The following SYNE2 variants were observed in gnomAD, a reference collection of about 807,000 sequenced individuals.
SYNE2 encodes the protein nesprin-2.
Under a neutral mutation model 856.3 loss-of-function variants are expected in SYNE2, and 431 were observed. The observed-to-expected ratio is 0.50, with a 90% confidence interval of 0.47 to 0.55. The LOEUF is 0.55. Among genes scored for constraint, SYNE2 ranks in the 20% least tolerant of loss-of-function variants. The pLI is 0.00. For missense variants in SYNE2, 8,129 were observed against 8,023.2 expected, an observed-to-expected ratio of 1.01 and a Z score of -0.50; for synonymous variants, 2,923 against 2,872.3, an observed-to-expected ratio of 1.02 and a Z score of -0.56.
chr14:63,948,418 T>G (rs1247209850), intron 6 of SYNE2, among the ~76,000 whole-genome samples: 6 of 151,734 alleles, frequency 4.0e-5, no homozygotes, highest in African/African-American at 7.3e-5. Flanking sequence ...AATCCCAGCA[T>G]TTTGGGAGGC....
At chr14:64,202,759 G>GT (rs753747644) in intron 99 of SYNE2, 42 bp from the exon 100 acceptor site, 1,283 of 1,590,348 alleles carry the variant, frequency 8.1e-4, no homozygotes, top group Non-Finnish European at 9.6e-4. Context: ...TCCATCACTG[G>GT]TTTTTTTTTG....
intron 88 of SYNE2, 139 bp downstream of exon 88, chr14:64,162,415 A>T: frequency 1.1e-6 from 1 of 904,318 alleles, no homozygotes; most frequent in Admixed American, 2.0e-5. Context: ...CATGTAGGAC[A>T]TAGGCAAGGC....
chr14:63,836,086 A>C (rs764515485), intron 1 of SYNE2, among the ~76,000 whole-genome samples: 3 of 151,886 alleles, frequency 2.0e-5, no homozygotes, highest in Non-Finnish European at 4.4e-5. Flanking sequence ...CTCAGGCTGG[A>C]GTGCAGTGCA....
chr14:63,777,288 T>C (rs1034960418), intron 1 of SYNE2, among the ~76,000 whole-genome samples: 2 of 152,236 alleles, frequency 1.3e-5, no homozygotes, highest in African/African-American at 4.8e-5. Context: ...GGAAACCATC[T>C]TTTCTATTCC....
intron 32 of SYNE2, among the ~76,000 whole-genome samples, chr14:64,012,191 T>C (rs1324984523): frequency 1.3e-5 from 2 of 152,212 alleles, no homozygotes; most frequent in South Asian, 2.1e-4. Context: ...TTGCTTCTTA[T>C]TGGCTTCTCT....
At chr14:63,876,713 C>T (rs2094730362) in intron 1 of SYNE2, among the ~76,000 whole-genome samples, 1 of 152,122 alleles carries the variant, frequency 6.6e-6, no homozygotes, top group African/African-American at 2.4e-5. Flanking sequence ...GTCTCGATCT[C>T]CTGACCTTGT....
At chr14:64,176,646 C>T (rs1336115905) in intron 95 of SYNE2, among the ~76,000 whole-genome samples, 1 of 152,082 alleles carries the variant, frequency 6.6e-6, no homozygotes, top group Non-Finnish European at 1.5e-5. Context: ...GCTGTCATAG[C>T]ATATACCAAA....
chr14:63,814,913 C>CAT (rs1404210165), intron 1 of SYNE2, among the ~76,000 whole-genome samples: 7 of 62,564 alleles, frequency 1.1e-4, no homozygotes, highest in African/African-American at 3.3e-4. Flanking sequence ...CATATATATC[C>CAT]ATATATCTAT....
chr14:63,914,833 AGT>A (rs2095515644), intron 2 of SYNE2, among the ~76,000 whole-genome samples: 1 of 152,204 alleles, frequency 6.6e-6, no homozygotes, highest in Non-Finnish European at 1.5e-5. Context: ...GCTGGAGTGC[AGT>A]GGTGCGATCT....
At chr14:63,967,649 A>C in intron 10 of SYNE2, 60 bp from the exon 11 acceptor site, 4 of 1,550,634 alleles carry the variant, frequency 2.6e-6, no homozygotes, top group Non-Finnish European at 3.5e-6. Context: ...AAAATAACAG[A>C]TTATATGATA....
chr14:63,915,103 A>C (rs372858288), intron 2 of SYNE2, among the ~76,000 whole-genome samples: 74 of 152,338 alleles, frequency 4.9e-4, no homozygotes, highest in African/African-American at 1.7e-3. Context: ...TTATGAGGCA[A>C]GATAGCATCA....
intron 57 of SYNE2, among the ~76,000 whole-genome samples, chr14:64,082,285 T>A (rs2097530374): frequency 6.6e-6 from 1 of 152,142 alleles, no homozygotes; most frequent in Non-Finnish European, 1.5e-5. Flanking sequence ...GGGTAGTCAC[T>A]CCCATAAGTA....
At chr14:63,952,292 A>T (rs897330274) in intron 7 of SYNE2, among the ~76,000 whole-genome samples, 1 of 152,212 alleles carries the variant, frequency 6.6e-6, no homozygotes, top group Non-Finnish European at 1.5e-5. Context: ...TGCTGGTTCA[A>T]CACTCAAGGT....
At chr14:64,221,542 G>A in intron 111 of SYNE2, 34 bp from the exon 112 acceptor site, 1 of 1,614,206 alleles carries the variant, frequency 6.2e-7, no homozygotes, top group Non-Finnish European at 8.5e-7. Context: ...AGGGCTCTAA[G>A]ACACGGCCGC....
chr14:64,052,206 A>T lies in SYNE2; in HGVS notation c.8293A>T (p.Ile2765Phe), dbSNP rs760007504. 2 of 1,614,192 alleles carry T rather than the reference A, an allele frequency of 1.2e-6. No homozygotes were observed. The highest frequency in any genetic ancestry group is 2.2e-5 in the South Asian group (2 of 91,090). Reference protein sequence around the residue: ...PLLPDDILSQIRKCKVTHDGI... With the variant: ...PLLPDDILSQFRKCKVTHDGI... ...TCTCCCAGATGACATTCTTTCACAG[A>T]TCAGAAAGTGCAAAGTGACACATGA... is the stretch of plus-strand genomic sequence containing the variant. The change falls in exon 48 of 116, where the codon ATC (isoleucine) becomes TTC (phenylalanine). Residue 2765 changes from isoleucine (I) to phenylalanine (F), a missense_variant. Around this residue, in one of 3 missense-constraint regions of SYNE2, gnomAD observed 5,410 missense variants for 5,284.8 expected, o/e 1.02. Coordinates refer to ENST00000555002, the MANE Select transcript of SYNE2 (RefSeq NM_182914.3).
chr14:63,806,967 G>A lies in SYNE2; in HGVS notation c.-305+44981G>A, dbSNP rs1011069807. On this transcript the variant is annotated intron_variant, in intron 1 of 23. Coordinates refer to the SYNE2 transcript ENST00000674003. ...TGGCCTCAAGTGATCCTCTTGCCTT[G>A]GCCCCTCAAACTGCTAGGATTACAG... is the stretch of plus-strand genomic sequence containing the variant. Among the ~76,000 whole-genome samples the A allele has an allele frequency of 2.7e-5, 4 of 148,874 alleles. No individual in the cohort carries two copies. In the South Asian group the frequency reaches 8.5e-4, roughly 32 times the overall value.
chr14:64,185,550 T>TAG (rs2098485120), intron 96 of SYNE2, among the ~76,000 whole-genome samples: 1 of 134,566 alleles, frequency 7.4e-6, no homozygotes, highest in Non-Finnish European at 1.5e-5. Flanking sequence ...AGGTGGAGTC[T>TAG]CACTCTGTCA....
chr14:63,815,136 CCATATATATA>C (rs1351649338), intron 1 of SYNE2, among the ~76,000 whole-genome samples: 1,240 of 121,930 alleles, frequency 0.01, 73 homozygotes, highest in African/African-American at 0.035. Flanking sequence ...ACATATATAT[CCATATATATA>C]CACATATATA....
chr14:63,948,690 G>GTATATA (rs1202003794), intron 6 of SYNE2, among the ~76,000 whole-genome samples: 15 of 106,590 alleles, frequency 1.4e-4, no homozygotes, highest in African/African-American at 3.7e-4. Flanking sequence ...ATATATGTGT[G>GTATATA]TATATATATA....
Sources: allele counts gnomAD v4.1 joint callset (sites outside exome capture counted in the v4.1 genomes callset), GRCh38; gene constraint gnomAD v4.1.1; regional missense constraint gnomAD v4.1.1; transcripts MANE v1.5; gene names NCBI Gene and HGNC (gene_info 2026-07-23, HGNC 2026-07-21).